TBC1D25: variants seen among roughly 807,000 people sequenced by gnomAD.
TBC1D25 encodes 5SN3 snoRNA.
In TBC1D25, 13 loss-of-function variants were observed where a neutral mutation model predicts 38.8. The ratio of observed to expected loss-of-function variants is 0.34; its 90% CI spans 0.22 to 0.53. The LOEUF (loss-of-function observed/expected upper bound fraction) is 0.53, where lower values mean the gene tolerates loss of function less well. Ranked by LOEUF, TBC1D25 falls within the 20% of genes least tolerant of loss-of-function variation. TBC1D25 has a pLI of 0.94. For missense variants in TBC1D25, 372 were observed against 600.0 expected (o/e 0.62, Z 3.97); for synonymous variants, 225 against 255.6 (o/e 0.88, Z 1.14).
Position 48,541,315 on chromosome X carries a change from C to T in TBC1D25, c.124-18C>T. The T allele has an allele frequency of 8.3e-7, 1 of 1,207,273 alleles. No individual in the cohort carries two copies. Among genetic ancestry groups the T allele is most frequent in the African/African-American group, 1.7e-5 (1 of 57,709 alleles). ...TGATGGGGCCCCTGGTGGCCTACCC[C>T]ATGTCTTCTCTCCCCAGAAATGTGA... On this transcript the variant is annotated intron_variant, in intron 1 of 5. Transcript: ENST00000376771.
chrX:48,542,254 C>T (rs1436627546), intron 2 of TBC1D25, among the ~76,000 whole-genome samples: 3 of 105,589 alleles, frequency 2.8e-5, no homozygotes, highest in South Asian at 4.4e-4. Context: ...CTGCAACCTC[C>T]GCTTCCCGGG....
In TBC1D25 at chrX:48,560,340, GGTA is replaced by G. The variant is rs1569484064; in HGVS notation, c.1436_1438del (p.Ser479del). Reference sequence around the variant, plus strand: ...CATGCTGAGGCCTGCTGGTGGAGGAGGTAGTACCTTTGAAGATGCTGTTGACCA... The same window carrying G: ...CATGCTGAGGCCTGCTGGTGGAGGAGGTACCTTTGAAGATGCTGTTGACCA... On this transcript the variant is annotated inframe_deletion, in exon 6 of 6. Coordinates refer to ENST00000376771, the MANE Select transcript of TBC1D25 (RefSeq NM_002536.4). The G allele has an allele frequency of 8.3e-7, 1 of 1,209,723 alleles. No individual in the cohort carries two copies. The highest frequency in any genetic ancestry group is 1.8e-5 in the African/African-American group (1 of 57,057).
chrX:48,557,811 AAAAAAAAG>A (rs2147192290), intron 3 of TBC1D25, among the ~76,000 whole-genome samples: 1 of 110,149 alleles, frequency 9.1e-6, no homozygotes, highest in African/African-American at 3.3e-5. Context: ...TCCATCTCAA[AAAAAAAAG>A]AAAAAAGAGG....
chrX:48,553,112 C>T (rs2061948085), intron 3 of TBC1D25, among the ~76,000 whole-genome samples: 2 of 110,084 alleles, frequency 1.8e-5, no homozygotes, highest in South Asian at 3.8e-4. Flanking sequence ...TTTTAAATTC[C>T]GGGTTATCAT....
chrX:48,546,228 AAG>A (rs2061883692), intron 3 of TBC1D25, among the ~76,000 whole-genome samples: 1 of 96,053 alleles, frequency 1.0e-5, no homozygotes, highest in Non-Finnish European at 2.1e-5. Context: ...AAAAAAAAAA[AAG>A]AGGCTGAGCA....
intron 3 of TBC1D25, among the ~76,000 whole-genome samples, chrX:48,549,910 C>T (rs1476911430): frequency 2.7e-5 from 3 of 112,217 alleles, no homozygotes; most frequent in Non-Finnish European, 5.6e-5. Flanking sequence ...TAAATCTTTT[C>T]TCTGTCAGCA....
rs1202111514 is a variant in TBC1D25 at position 48,561,734 on chromosome X, G to T, written c.*759G>T. On this transcript the variant is annotated 3_prime_UTR_variant, in exon 6 of 6. Transcript: ENST00000376771. Reference sequence around the variant, plus strand: ...CAGGTACCGTGCAGATGTTAACAAGGTTTGAGCGAGGTGCATCTCACACAA... The same window carrying T: ...CAGGTACCGTGCAGATGTTAACAAGTTTTGAGCGAGGTGCATCTCACACAA... The T allele has an allele frequency of 1.8e-5, 2 of 112,532 alleles. No homozygotes were observed. The highest frequency in any genetic ancestry group is 1.9e-5 in the Non-Finnish European group (1 of 53,305). The allele number at this position is 112,532 out of a possible 1,213,427, so 9.3% of individuals were successfully genotyped here. A position where few individuals can be genotyped will look rare whatever the true frequency, so the allele number is the denominator to read the frequency against.
chrX:48,558,105 C>G (rs1481701001), intron 3 of TBC1D25, among the ~76,000 whole-genome samples: 2 of 89,821 alleles, frequency 2.2e-5, no homozygotes, highest in Non-Finnish European at 4.1e-5. Context: ...AGTGAGACTC[C>G]GTCTCCAAAA....
chrX:48,550,333 A>T (rs2061920009), intron 3 of TBC1D25, among the ~76,000 whole-genome samples: 1 of 111,820 alleles, frequency 8.9e-6, no homozygotes. Flanking sequence ...AGTGATTCGA[A>T]ATGCCACGTT....
At chrX:48,543,846 T>C (rs1368038294) in intron 2 of TBC1D25, among the ~76,000 whole-genome samples, 1 of 101,188 alleles carries the variant, frequency 9.9e-6, no homozygotes, top group Non-Finnish European at 2.0e-5. Flanking sequence ...ATCGCACCAT[T>C]GCACTCCAGA....
Position 48,560,652 on chromosome X carries a change from C to T in TBC1D25, c.1744C>T (p.Pro582Ser). The T allele has an allele frequency of 1.7e-6, 2 of 1,211,694 alleles. No homozygotes were observed. Among genetic ancestry groups the T allele is most frequent in the Non-Finnish European group, 2.2e-6 (2 of 895,419 alleles). ...CACTGGTGATATGGCTGTAGGATCCCCCTTGATGCAAGAGGTAGGCTCCCC... is the reference window on the plus strand; with the variant it reads ...CACTGGTGATATGGCTGTAGGATCCTCCTTGATGCAAGAGGTAGGCTCCCC... ...SPTGDMAVGS[P>S]LMQEVGSPKD... is the part of the protein sequence containing the mutation. The change falls in exon 6 of 6, where the codon CCC becomes TCC. Residue 582 changes from proline to serine, a missense_variant. This residue lies in a region of TBC1D25 where 312 missense variants were observed against 549.3 expected (regional missense o/e 0.57). Transcript: ENST00000376771.
chrX:48,549,955 G>C (rs782298465), intron 3 of TBC1D25, among the ~76,000 whole-genome samples: 54 of 111,000 alleles, frequency 4.9e-4, no homozygotes, highest in African/African-American at 1.6e-3. Flanking sequence ...AAAAAATCAA[G>C]ATAGTCAATT....
chrX:48,542,744 C>T (rs1246555635), intron 2 of TBC1D25, among the ~76,000 whole-genome samples: 5 of 110,262 alleles, frequency 4.5e-5, no homozygotes, highest in South Asian at 3.8e-4. Flanking sequence ...ATTACAGGCA[C>T]GTGAGCCTCC....
At chrX:48,553,867 G>A (rs940623739) in intron 3 of TBC1D25, among the ~76,000 whole-genome samples, 13 of 107,897 alleles carry the variant, frequency 1.2e-4, no homozygotes, top group African/African-American at 2.3e-4. Context: ...CAAGCAATCC[G>A]CCCGCCTTGG....
Position 48,551,351 on chromosome X carries a change from T to G in TBC1D25, c.388+6328T>G, listed in dbSNP as rs188927614. Among the ~76,000 whole-genome samples, 8 of 109,401 alleles carry G rather than the reference T, an allele frequency of 7.3e-5. No homozygotes were observed. The East Asian group carries it at 1.4e-3, about 19-fold the overall frequency. Reference sequence around the variant, plus strand: ...TTTTTGTTTGTTTGTTTGTTTGTTTTTTTGAGACACTCTGTTGCCAGGCTG... The same window carrying G: ...TTTTTGTTTGTTTGTTTGTTTGTTTGTTTGAGACACTCTGTTGCCAGGCTG... On this transcript the variant is annotated intron_variant, in intron 3 of 5. Transcript: ENST00000376771.
intron 1 of TBC1D25, 132 bp downstream of exon 1, chrX:48,540,052 G>T: frequency 3.5e-6 from 3 of 858,997 alleles, no homozygotes; most frequent in Non-Finnish European, 1.5e-6. Flanking sequence ...AGGGCCAAGT[G>T]ATGATGGCGA....
chrX:48,562,014 T>G lies in TBC1D25; in HGVS notation c.*1039T>G, dbSNP rs2062031540. 8.9e-6 allele frequency: 1 copy of G among 112,229 alleles called. No individual in the cohort carries two copies. The highest frequency in any genetic ancestry group is 1.9e-5 in the Non-Finnish European group (1 of 53,238). The allele number at this position is 112,229 out of a possible 1,213,427, so 9.2% of individuals were successfully genotyped here. On this transcript the variant is annotated 3_prime_UTR_variant, in exon 6 of 6. Transcript: ENST00000376771. ...GCCCTAATAGAATTCACTTCGTTAT[T>G]TGGAGGATAATGATCAAAAAAAGGT...
chrX:48,540,749 A>G (rs1368130512), intron 1 of TBC1D25, among the ~76,000 whole-genome samples: 1 of 112,095 alleles, frequency 8.9e-6, no homozygotes, highest in Non-Finnish European at 1.9e-5. Context: ...TGGCAGTGAT[A>G]AGAGGGTCCA....
At chrX:48,540,712 A>G (rs1569481147) in intron 1 of TBC1D25, among the ~76,000 whole-genome samples, 1 of 112,076 alleles carries the variant, frequency 8.9e-6, no homozygotes, top group African/African-American at 3.2e-5. Flanking sequence ...GTAAACAATG[A>G]TGGTGGCTCC....
Sources: allele counts gnomAD v4.1 joint callset (sites outside exome capture counted in the v4.1 genomes callset), GRCh38; gene constraint gnomAD v4.1.1; regional missense constraint gnomAD v4.1.1; transcripts MANE v1.5; gene names NCBI Gene and HGNC (gene_info 2026-07-23, HGNC 2026-07-21).